The following MAD1L1 variants were observed in gnomAD, a reference collection of about 807,000 sequenced individuals.
MAD1L1 encodes the protein mitotic arrest deficient 1 like 1, also known as mitotic spindle assembly checkpoint protein MAD1.
In MAD1L1, 95 loss-of-function variants were observed where a neutral mutation model predicts 96.9. The observed-to-expected ratio is 0.98, with a 90% CI of 0.83 to 1.16. The LOEUF (loss-of-function observed/expected upper bound fraction) is 1.16, where lower values mean the gene tolerates loss of function less well. Among genes scored for constraint, MAD1L1 ranks in the 50% most tolerant of loss-of-function variants. MAD1L1 has a pLI of 0.00. For missense variants in MAD1L1, 1,007 were observed against 954.4 expected (o/e 1.06, Z -0.73); for synonymous variants, 473 against 396.6 (o/e 1.19, Z -2.29).
chr7:2,181,029 G>A (rs992889366), intron 10 of MAD1L1, among the ~76,000 whole-genome samples: 7 of 152,166 alleles, frequency 4.6e-5, no homozygotes, highest in Admixed American at 1.3e-4. Flanking sequence ...CTATCTTCAG[G>A]TTTGCTGATT....
chr7:1,943,280 A>C (rs748871456), intron 16 of MAD1L1, among the ~76,000 whole-genome samples: 25 of 152,268 alleles, frequency 1.6e-4, no homozygotes, highest in Non-Finnish European at 3.5e-4. Flanking sequence ...ATCCAAACTA[A>C]GAACTCTTGT....
At chr7:2,195,629 A>G (rs1041502695) in intron 10 of MAD1L1, among the ~76,000 whole-genome samples, 2 of 152,184 alleles carry the variant, frequency 1.3e-5, no homozygotes, top group African/African-American at 4.8e-5. Context: ...CCTGATAAAA[A>G]ATTAATTGCT....
At chr7:2,001,977 C>T (rs932248674) in intron 14 of MAD1L1, 88 bp downstream of exon 14, 2 of 1,402,286 alleles carry the variant, frequency 1.4e-6, no homozygotes, top group Non-Finnish European at 2.0e-6. Flanking sequence ...CTGGCGCCTG[C>T]AGCCTAAAGG....
intron 18 of MAD1L1, among the ~76,000 whole-genome samples, chr7:1,881,582 G>T (rs554606668): frequency 1.3e-5 from 2 of 152,326 alleles, no homozygotes; most frequent in African/African-American, 4.8e-5. Flanking sequence ...AATATTTTAA[G>T]TAAATTATGG....
intron 11 of MAD1L1, among the ~76,000 whole-genome samples, chr7:2,077,777 G>A (rs553288070): frequency 5.3e-5 from 8 of 152,304 alleles, no homozygotes; most frequent in South Asian, 2.1e-4. Context: ...GCTCTGCTCC[G>A]GAAGCACCCA....
At chr7:2,041,477 G>A (rs1783671475) in intron 12 of MAD1L1, among the ~76,000 whole-genome samples, 1 of 152,114 alleles carries the variant, frequency 6.6e-6, no homozygotes, top group Admixed American at 6.5e-5. Context: ...GCTGCTTTCT[G>A]TAATTTTTCA....
intron 17 of MAD1L1, among the ~76,000 whole-genome samples, chr7:1,909,443 T>A (rs1190414529): frequency 6.6e-6 from 1 of 152,268 alleles, no homozygotes. Flanking sequence ...GATGCAATTT[T>A]ATTAGCAGCC....
rs150855138 is a variant in MAD1L1, at chr7:2,194,493, C to A, written c.986+18719G>T. Among the ~76,000 whole-genome samples, 191 of 152,258 alleles carry A rather than the reference C, an allele frequency of 1.3e-3. 1 individual carries two copies. The Middle Eastern group carries it at 0.014, about 11-fold the overall frequency. Reference sequence around the variant, plus strand: ...TCATCTCAGTTTTCACATGAAAGGTCCCACCTCCCAAGCAAAACTCCTCAG... The same window carrying A: ...TCATCTCAGTTTTCACATGAAAGGTACCACCTCCCAAGCAAAACTCCTCAG... On this transcript the variant is annotated intron_variant, in intron 10 of 18. Coordinates refer to ENST00000265854, the MANE Select transcript of MAD1L1 (RefSeq NM_001013836.2).
intron 18 of MAD1L1, among the ~76,000 whole-genome samples, chr7:1,827,896 G>A (rs766582553): frequency 5.9e-5 from 9 of 152,142 alleles, no homozygotes; most frequent in African/African-American, 9.7e-5. Context: ...CGGCCTCTGC[G>A]CCTTCTCACC....
chr7:2,083,387 C>T (rs1785751304), intron 11 of MAD1L1, among the ~76,000 whole-genome samples: 1 of 152,200 alleles, frequency 6.6e-6, no homozygotes, highest in African/African-American at 2.4e-5. Flanking sequence ...TAAGAACTGA[C>T]AAAGACAGGA....
At chr7:2,087,670 T>C (rs188661541) in intron 11 of MAD1L1, among the ~76,000 whole-genome samples, 160 of 152,328 alleles carry the variant, frequency 1.1e-3, no homozygotes, top group African/African-American at 3.0e-3. Flanking sequence ...GGCGGACCTC[T>C]CCTGCCTGTG....
At chr7:2,148,229 A>G (rs1332432535) in intron 11 of MAD1L1, 4 of 152,364 alleles carry the variant, frequency 2.6e-5, no homozygotes, top group Admixed American at 2.6e-4. Context: ...CTCTCTCCAC[A>G]GGAGGACAAG....
intron 11 of MAD1L1, among the ~76,000 whole-genome samples, chr7:2,105,255 C>T (rs903053093): frequency 3.3e-5 from 5 of 152,088 alleles, no homozygotes; most frequent in Non-Finnish European, 7.4e-5. Flanking sequence ...CACTAACACA[C>T]GAGCTGGCTT....
chr7:2,052,620 G>A (rs971718347), intron 12 of MAD1L1, among the ~76,000 whole-genome samples: 1 of 152,168 alleles, frequency 6.6e-6, no homozygotes, highest in African/African-American at 2.4e-5. Context: ...ACAAATAAAT[G>A]GGTGTGTTCA....
chr7:1,890,713 C>T (rs942882198), intron 18 of MAD1L1, among the ~76,000 whole-genome samples: 9 of 152,134 alleles, frequency 5.9e-5, no homozygotes, highest in African/African-American at 2.2e-4. Flanking sequence ...AAACCAAGGC[C>T]ACCTGTGCTG....
chr7:1,879,792 G>A (rs574833246), intron 18 of MAD1L1, among the ~76,000 whole-genome samples: 1 of 152,228 alleles, frequency 6.6e-6, no homozygotes, highest in South Asian at 2.1e-4. Context: ...GTGCAGTGGC[G>A]CGATCTCGGC....
At chr7:1,828,265 AGAGACGGGGCGAGCCTGGG>A (rs1782530442) in intron 18 of MAD1L1, among the ~76,000 whole-genome samples, 1 of 152,154 alleles carries the variant, frequency 6.6e-6, no homozygotes, top group African/African-American at 2.4e-5. Context: ...GCGGGCCCTG[AGAGACGGGGCGAGCCTGGG>A]GAGACAGTCA....
chr7:2,070,976 C>A (rs1437283748), intron 11 of MAD1L1, among the ~76,000 whole-genome samples: 5 of 150,944 alleles, frequency 3.3e-5, no homozygotes, highest in African/African-American at 1.2e-4. Flanking sequence ...CTTTCTTGGG[C>A]AGTGGTTTGG....
intron 12 of MAD1L1, among the ~76,000 whole-genome samples, chr7:2,025,883 G>C (rs930204725): frequency 6.6e-6 from 1 of 151,952 alleles, no homozygotes; most frequent in African/African-American, 2.4e-5. Context: ...CACATAACAA[G>C]ATAACGATCA....
Sources: allele counts gnomAD v4.1 joint callset (sites outside exome capture counted in the v4.1 genomes callset), GRCh38; gene constraint gnomAD v4.1.1; transcripts MANE v1.5; gene names NCBI Gene and HGNC (gene_info 2026-07-23, HGNC 2026-07-21).